The following SGCZ variants were observed in gnomAD, a reference collection of about 807,000 sequenced individuals.
SGCZ encodes zeta-sarcoglycan.
In SGCZ, 40 loss-of-function variants were observed where a neutral mutation model predicts 41.3. The observed-to-expected ratio is 0.97, with a 90% CI of 0.75 to 1.26. SGCZ has a LOEUF of 1.26. SGCZ is among the 50% of genes most tolerant of loss of function. SGCZ has a pLI of 0.00. For missense variants in SGCZ, 552 were observed against 369.8 expected, an observed-to-expected ratio of 1.49 and a Z score of -4.04; for synonymous variants, 206 against 137.5, an observed-to-expected ratio of 1.50 and a Z score of -3.49.
intron 2 of SGCZ, among the ~76,000 whole-genome samples, chr8:14,470,368 A>C (rs1039290772): frequency 6.6e-6 from 1 of 152,156 alleles, no homozygotes; most frequent in African/African-American, 2.4e-5. Context: ...TAATACGTGT[A>C]GTAAGAATTA....
In SGCZ at chr8:14,343,254, C is replaced by A. The variant is rs62497814; in HGVS notation, c.235-19050G>T. ...AAGGGAAATGTGGGGTCAGAGCCCC[C>A]ACACAGAGTTCCTACTGGGGCACTG... is the stretch of plus-strand genomic sequence containing the variant. On this transcript the variant is annotated intron_variant, in intron 2 of 7. Coordinates refer to ENST00000382080, the MANE Select transcript of SGCZ (RefSeq NM_139167.4). Among the ~76,000 whole-genome samples the A allele has an allele frequency of 6.1e-3, 928 of 152,212 alleles. 6 individuals are homozygous for A. Among genetic ancestry groups the A allele is most frequent in the African/African-American group, 8.0e-3 (331 of 41,578 alleles).
At position 15,237,618 on chromosome 8, in the gene SGCZ, G is replaced by T; in HGVS notation, c.6C>A (p.Asp2Glu). 6.3e-7 allele frequency: 1 copy of T among 1,586,110 alleles called. No individual in the cohort carries two copies. Reference sequence around the variant, plus strand: ...CCTCAATGTCCAGGTTCGTTGATCTGTCCATGGAGCGCAACTAAACGAAGT... The same window carrying T: ...CCTCAATGTCCAGGTTCGTTGATCTTTCCATGGAGCGCAACTAAACGAAGT... M[D>E]RSTNLDIEEL... The change falls in exon 1 of 8, where the codon GAC becomes GAA. Residue 2 changes from aspartate (D) to glutamate (E), a missense_variant. Physicochemically the swap from Asp to Glu is conservative, Grantham distance 45 (BLOSUM62 2). Coordinates refer to ENST00000382080, the MANE Select transcript of SGCZ (RefSeq NM_139167.4).
At chr8:14,669,693 TAC>T (rs35602830) in intron 1 of SGCZ, among the ~76,000 whole-genome samples, 80,279 of 147,042 alleles carry the variant, frequency 0.55, 22,963 homozygotes, top group Non-Finnish European at 0.66. Flanking sequence ...ATTTTGTGTA[TAC>T]ACACACACAC....
At chr8:14,781,999 T>C (rs554309614) in intron 1 of SGCZ, among the ~76,000 whole-genome samples, 2 of 152,194 alleles carry the variant, frequency 1.3e-5, no homozygotes, top group Non-Finnish European at 2.9e-5. Context: ...AATTGAACCA[T>C]CCTGAGTTAT....
intron 1 of SGCZ, among the ~76,000 whole-genome samples, chr8:14,884,682 T>A (rs535192928): frequency 6.6e-6 from 1 of 152,156 alleles, no homozygotes; most frequent in Non-Finnish European, 1.5e-5. Flanking sequence ...ATTCACTTAT[T>A]TTAAGAAAGA....
At position 14,814,669 on chromosome 8, in the gene SGCZ, G is replaced by T. The variant is rs148837215; in HGVS notation, c.40-259743C>A. Among the ~76,000 whole-genome samples, 501 of 152,304 alleles carry T rather than the reference G, an allele frequency of 3.3e-3. 15 individuals are homozygous for T. In the South Asian group the frequency reaches 0.048, roughly 15 times the overall value. On this transcript the variant is annotated intron_variant, in intron 1 of 7. Coordinates refer to ENST00000382080, the MANE Select transcript of SGCZ (RefSeq NM_139167.4). ...CAAGCTGGGAATGAATTTCTTGCCA[G>T]CTCGGCAGGTAGGAACTTGGAGAAT...
intron 1 of SGCZ, among the ~76,000 whole-genome samples, chr8:15,090,484 C>T (rs983396611): frequency 6.6e-6 from 1 of 152,164 alleles, no homozygotes; most frequent in Non-Finnish European, 1.5e-5. Flanking sequence ...ATCAGGCTGC[C>T]CATAGGGCTG....
intron 2 of SGCZ, among the ~76,000 whole-genome samples, chr8:14,416,511 G>C (rs931540796): frequency 4.0e-5 from 6 of 151,848 alleles, no homozygotes; most frequent in Admixed American, 6.6e-5. Flanking sequence ...AATTAGCAGA[G>C]TGAAGGCCCC....
intron 5 of SGCZ, among the ~76,000 whole-genome samples, chr8:14,127,439 T>C (rs925836009): frequency 6.6e-6 from 1 of 152,106 alleles, no homozygotes; most frequent in Non-Finnish European, 1.5e-5. Context: ...TTGTGATTTA[T>C]TTATTCATTT....
intron 3 of SGCZ, among the ~76,000 whole-genome samples, chr8:14,289,077 T>C (rs1415065637): frequency 2.6e-5 from 4 of 152,272 alleles, no homozygotes; most frequent in East Asian, 3.9e-4. Context: ...ATATCTTCTT[T>C]GGATAAACGT....
intron 1 of SGCZ, among the ~76,000 whole-genome samples, chr8:14,622,764 G>A (rs1479655826): frequency 1.3e-5 from 2 of 152,088 alleles, no homozygotes; most frequent in Non-Finnish European, 2.9e-5. Context: ...GAAGACTAAG[G>A]GTGCCAATAA....
chr8:14,483,381 G>A (rs958406351), intron 2 of SGCZ, among the ~76,000 whole-genome samples: 8 of 152,150 alleles, frequency 5.3e-5, no homozygotes, highest in Non-Finnish European at 8.8e-5. Flanking sequence ...ACCAGCCTGA[G>A]CAATACAGTG....
At chr8:14,896,663 G>C (rs1233459123) in intron 1 of SGCZ, among the ~76,000 whole-genome samples, 5 of 151,816 alleles carry the variant, frequency 3.3e-5, no homozygotes, top group Non-Finnish European at 5.9e-5. Flanking sequence ...TTTCAGGAGA[G>C]ACGGGGTTTC....
Position 14,351,234 on chromosome 8 carries a change from T to C in SGCZ, c.235-27030A>G, listed in dbSNP as rs188755017. ...TATTGTAAGATAAGCCTTGCTGTTA[T>C]TTCCTAGTTAAACTTATTCAGATAA... On this transcript the variant is annotated intron_variant, in intron 2 of 7. Transcript: ENST00000382080. Among the ~76,000 whole-genome samples the C allele has an allele frequency of 3.3e-4, 50 of 152,284 alleles. No individual in the cohort carries two copies. The East Asian group carries it at 9.3e-3, about 28-fold the overall frequency.
chr8:14,780,519 A>G (rs1800556162), intron 1 of SGCZ, among the ~76,000 whole-genome samples: 1 of 152,138 alleles, frequency 6.6e-6, no homozygotes, highest in South Asian at 2.1e-4. Context: ...CTACTAGGTC[A>G]TGTAACAAAG....
chr8:14,145,101 T>G (rs184234820), intron 5 of SGCZ, among the ~76,000 whole-genome samples: 201 of 152,284 alleles, frequency 1.3e-3, no homozygotes, highest in African/African-American at 4.6e-3. Context: ...GCTTTGCCAA[T>G]GGCTGAGAGA....
chr8:14,755,398 G>A (rs974942790), intron 1 of SGCZ, among the ~76,000 whole-genome samples: 1 of 148,850 alleles, frequency 6.7e-6, no homozygotes, highest in Admixed American at 6.8e-5. Context: ...CAATTAAGGA[G>A]CTCTACTAAT....
intron 1 of SGCZ, among the ~76,000 whole-genome samples, chr8:15,020,001 T>A (rs1467645035): frequency 6.6e-6 from 1 of 151,910 alleles, no homozygotes; most frequent in Non-Finnish European, 1.5e-5. Context: ...TAGCAAGTCA[T>A]TGTTATATAA....
chr8:14,498,886 G>A (rs1418059867), intron 2 of SGCZ, among the ~76,000 whole-genome samples: 2 of 150,974 alleles, frequency 1.3e-5, no homozygotes, highest in African/African-American at 2.4e-5. Context: ...TTAGTTTCAG[G>A]ACATTTCGAT....
Sources: allele counts gnomAD v4.1 joint callset (sites outside exome capture counted in the v4.1 genomes callset), GRCh38; gene constraint gnomAD v4.1.1; transcripts MANE v1.5; gene names NCBI Gene and HGNC (gene_info 2026-07-23, HGNC 2026-07-21).